Variants in DMXL2 observed in about 807,000 individuals in gnomAD.
DMXL2 encodes Dmx like 2.
Under a neutral mutation model 331.1 loss-of-function variants are expected in DMXL2, and 103 were observed. The observed-to-expected ratio is 0.31, with a 90% CI of 0.27 to 0.37. DMXL2 has a LOEUF of 0.37. Among genes scored for constraint, DMXL2 ranks in the 10% least tolerant of loss-of-function variants. The pLI is 1.00. For synonymous variants in DMXL2, 1,281 were observed against 1,252.1 expected, an observed-to-expected ratio of 1.02 and a Z score of -0.49; for missense variants, 3,171 against 3,642.9, an observed-to-expected ratio of 0.87 and a Z score of 3.33.
chr15:51,537,278 A>G (rs1246927669), intron 11 of DMXL2, among the ~76,000 whole-genome samples: 1 of 152,166 alleles, frequency 6.6e-6, no homozygotes. Flanking sequence ...TCAGTACTGC[A>G]TTTCAAGGCC....
At chr15:51,591,508 G>T (rs1368480406) in intron 1 of DMXL2, among the ~76,000 whole-genome samples, 1 of 152,182 alleles carries the variant, frequency 6.6e-6, no homozygotes, top group African/African-American at 2.4e-5. Context: ...TGTGGGGGCA[G>T]GGCACAGCTA....
At chr15:51,521,366 A>T (rs2047352322) in intron 13 of DMXL2, among the ~76,000 whole-genome samples, 1 of 151,688 alleles carries the variant, frequency 6.6e-6, no homozygotes, top group Non-Finnish European at 1.5e-5. Flanking sequence ...TATATATAAA[A>T]CATTTAGAAG....
Position 51,537,609 on chromosome 15 carries a change from A to T in DMXL2, c.1496T>A (p.Leu499Gln). 3 of 1,613,904 alleles carry T rather than the reference A, an allele frequency of 1.9e-6. No individual in the cohort carries two copies. The highest frequency in any genetic ancestry group is 2.5e-6 in the Non-Finnish European group (3 of 1,179,874). ...VLLDRKIETLLTEWNKNPDML... is the reference protein window; with the variant it reads ...VLLDRKIETLQTEWNKNPDML... ...ATCAGGATTCTTATTCCATTCAGTT[A>T]GCAGCGTTTCAATCTTCCGATCAAG... The change falls in exon 11 of 44, where the codon CTA (leucine) becomes CAA (glutamine). Residue 499 changes from leucine (L) to glutamine (Q), a missense_variant. Leu to Gln is a moderately radical substitution (Grantham distance 113). This residue lies in a region of DMXL2 where 1,674 missense variants were observed against 1,780.2 expected (regional missense o/e 0.94). Coordinates refer to ENST00000560891, the MANE Select transcript of DMXL2 (RefSeq NM_001378457.1).
chr15:51,475,162 C>G (rs2041463012), intron 27 of DMXL2, among the ~76,000 whole-genome samples: 1 of 151,886 alleles, frequency 6.6e-6, no homozygotes, highest in African/African-American at 2.4e-5. Context: ...TTGTGGTATC[C>G]CTGCCAAAAA....
At chr15:51,468,378 G>C (rs2040792857) in intron 29 of DMXL2, among the ~76,000 whole-genome samples, 1 of 152,200 alleles carries the variant, frequency 6.6e-6, no homozygotes, top group Non-Finnish European at 1.5e-5. Context: ...AATTGTGGAA[G>C]AGGCTCTCAC....
rs375646216 is a variant in DMXL2, at chr15:51,458,729, T to C, written c.8056A>G (p.Met2686Val). ...TTTACCTTATTAACAGAAAATGCCATGATCATATCAGATTCCTTATGGATG... is the reference window on the plus strand; with the variant it reads ...TTTACCTTATTAACAGAAAATGCCACGATCATATCAGATTCCTTATGGATG... ...KVIHKESDMI[M>V]AFSVNKANCN... Residue 2686 changes from methionine (M) to valine (V), a missense_variant, in exon 35 of 44, where the codon ATG becomes GTG. Coordinates refer to ENST00000560891, the MANE Select transcript of DMXL2 (RefSeq NM_001378457.1). 5 of 1,613,978 alleles carry C rather than the reference T, an allele frequency of 3.1e-6. No homozygotes were observed. Among genetic ancestry groups the C allele is most frequent in the East Asian group, 2.2e-5 (1 of 44,874 alleles).
At chr15:51,513,310 T>C (rs887827220) in intron 15 of DMXL2, among the ~76,000 whole-genome samples, 1 of 152,188 alleles carries the variant, frequency 6.6e-6, no homozygotes, top group African/African-American at 2.4e-5. Flanking sequence ...GCTACATTTG[T>C]TGGAAACCAT....
intron 6 of DMXL2, among the ~76,000 whole-genome samples, chr15:51,558,730 G>T (rs929761924): frequency 6.6e-6 from 1 of 152,156 alleles, no homozygotes; most frequent in Non-Finnish European, 1.5e-5. Flanking sequence ...AGCCTTCAGT[G>T]AATTTTGTTG....
chr15:51,523,746 A>G (rs2047509152), intron 13 of DMXL2, among the ~76,000 whole-genome samples: 1 of 152,262 alleles, frequency 6.6e-6, no homozygotes, highest in African/African-American at 2.4e-5. Context: ...CTCCCCTTGA[A>G]TATCAGAAAG....
rs2051025236 is a variant in DMXL2 at position 51,576,201 on chromosome 15, A to AAAAAAAAAAAAAAAAAAAAT, written c.88-21_88-20insATTTTTTTTTTTTTTTTTTT. ...ATATGCCTAAAAAAAAAAAAAAAAAAAAGTTTTACAATACATAAGATATGT... is the reference window on the plus strand; with the variant it reads ...ATATGCCTAAAAAAAAAAAAAAAAAAAAAAAAAAAAAAAAAAAAATAAGTTTTACAATACATAAGATATGT... On this transcript the variant is annotated intron_variant, in intron 1 of 43. Coordinates refer to ENST00000560891, the MANE Select transcript of DMXL2 (RefSeq NM_001378457.1). 7.0e-7 allele frequency: 1 copy of AAAAAAAAAAAAAAAAAAAAT among 1,438,160 alleles called. No homozygotes were observed. Among genetic ancestry groups the AAAAAAAAAAAAAAAAAAAAT allele is most frequent in the Non-Finnish European group, 9.2e-7 (1 of 1,082,682 alleles). The allele number at this position is 1,438,160 out of a possible 1,614,324, so 89.1% of individuals were successfully genotyped here. A position where few individuals can be genotyped will look rare whatever the true frequency, so the allele number is the denominator to read the frequency against.
chr15:51,536,059 T>C, intron 12 of DMXL2, 107 bp downstream of exon 12: 1 of 1,078,358 alleles, frequency 9.3e-7, no homozygotes, highest in East Asian at 2.7e-5. Context: ...TAATGAAAAC[T>C]GAATACTTAT....
chr15:51,536,840 G>A lies in DMXL2; in HGVS notation c.1640C>T (p.Pro547Leu). Reference sequence around the variant, plus strand: ...TGCATCACCAGAGGGAAATGCAACAGGAATCCGAGAAGAAAAAGAAACCTG... The same window carrying A: ...TGCATCACCAGAGGGAAATGCAACAAGAATCCGAGAAGAAAAAGAAACCTG... ...QVQVSFSSRI[P>L]VAFPSGDASS... is the part of the protein sequence containing the mutation. Residue 547 changes from proline to leucine, a missense_variant, in exon 12 of 44, where the codon CCT becomes CTT. Pro to Leu is a moderately conservative substitution (Grantham distance 98). Coordinates refer to ENST00000560891, the MANE Select transcript of DMXL2 (RefSeq NM_001378457.1). 1 of 1,603,108 alleles carries A rather than the reference G, an allele frequency of 6.2e-7. No individual in the cohort carries two copies. Among genetic ancestry groups the A allele is most frequent in the South Asian group, 1.1e-5 (1 of 88,856 alleles).
At chr15:51,481,745 G>A (rs2042027181) in intron 23 of DMXL2, 122 bp from the exon 24 acceptor site, 2 of 890,186 alleles carry the variant, frequency 2.2e-6, no homozygotes, top group Non-Finnish European at 3.3e-6. Context: ...CCTACGATAG[G>A]TTACACTATG....
At position 51,457,391 on chromosome 15, in the gene DMXL2, C is replaced by T. The variant is rs772806939; in HGVS notation, c.8274G>A (p.Gln2758=). 23 of 1,614,192 alleles carry T rather than the reference C, an allele frequency of 1.4e-5. No homozygotes were observed. In the South Asian group the frequency reaches 2.3e-4, roughly 16 times the overall value. Residue 2758 remains glutamine (Q), a synonymous_variant, in exon 37 of 44, where the codon CAG becomes CAA. Coordinates refer to ENST00000560891, the MANE Select transcript of DMXL2 (RefSeq NM_001378457.1). ...ATGGCAGAGATGAAGGTGGATGCAC[C>T]TGACTTGCTGAATAGGATGTTGCAC... The part of the protein sequence containing the change: ...QPSATSYSAS[Q]VHPPSSLPWL...
intron 1 of DMXL2, among the ~76,000 whole-genome samples, chr15:51,593,632 G>A (rs553751937): frequency 1.9e-4 from 29 of 152,164 alleles, no homozygotes; most frequent in East Asian, 5.8e-4. Flanking sequence ...GCACAACACC[G>A]CACTTATTCC....
intron 2 of DMXL2, among the ~76,000 whole-genome samples, chr15:51,569,797 T>C (rs867853650): frequency 2.0e-5 from 3 of 151,178 alleles, no homozygotes; most frequent in Non-Finnish European, 4.4e-5. Context: ...TCACCAACAT[T>C]AAAGAAAAAA....
rs376448907 is a variant in DMXL2 at position 51,464,842 on chromosome 15, C to T, written c.7641G>A (p.Val2547=). The change falls in exon 32 of 44, where the codon GTG becomes GTA. Residue 2547 remains valine (V), a synonymous_variant. Transcript: ENST00000560891. ...LPVTSPLGIA[V]IKNLENWEQI... ...GTTCCCAGTTCTCCAAGTTTTTAAT[C>T]ACAGCAATACCTAATGGTGATGTTA... 2 of 1,613,980 alleles carry T rather than the reference C, an allele frequency of 1.2e-6. No individual in the cohort carries two copies. Among genetic ancestry groups the T allele is most frequent in the Non-Finnish European group, 1.7e-6 (2 of 1,180,002 alleles).
At position 51,538,457 on chromosome 15, in the gene DMXL2, G is replaced by A; in HGVS notation, c.1106-5C>T. The A allele has an allele frequency of 3.2e-6, 5 of 1,560,126 alleles. No homozygotes were observed. Among genetic ancestry groups the A allele is most frequent in the Non-Finnish European group, 3.5e-6 (4 of 1,155,276 alleles). On this transcript the variant is annotated splice_region_variant and splice_polypyrimidine_tract_variant and intron_variant, in intron 9 of 43. Coordinates refer to ENST00000560891, the MANE Select transcript of DMXL2 (RefSeq NM_001378457.1). ...CAACCAAGACATTTGGAATATCTGT[G>A]GAAATAAAAGAGATTTCAATATAAT... is the stretch of plus-strand genomic sequence containing the variant.
chr15:51,609,921 A>G (rs1470236675), intron 1 of DMXL2, among the ~76,000 whole-genome samples: 1 of 136,930 alleles, frequency 7.3e-6, no homozygotes, highest in Non-Finnish European at 1.6e-5. Flanking sequence ...CAAGAGTGAA[A>G]GTCAGTCTTA....
Sources: allele counts gnomAD v4.1 joint callset (sites outside exome capture counted in the v4.1 genomes callset), GRCh38; gene constraint gnomAD v4.1.1; regional missense constraint gnomAD v4.1.1; transcripts MANE v1.5; gene names NCBI Gene and HGNC (gene_info 2026-07-23, HGNC 2026-07-21).